Variants in FCHSD2 observed in about 807,000 individuals in gnomAD.
FCHSD2 encodes F-BAR and double SH3 domains protein 2.
In FCHSD2, 38 loss-of-function variants were observed where a neutral mutation model predicts 108.1. The observed-to-expected ratio is 0.35, with a 90% CI of 0.27 to 0.46. FCHSD2 has a LOEUF of 0.46. FCHSD2 is among the 20% of genes least tolerant of loss of function. FCHSD2 has a pLI of 1.00. For synonymous variants in FCHSD2, 279 were observed against 314.7 expected, an observed-to-expected ratio of 0.89 and a Z score of 1.20; for missense variants, 751 against 897.8, an observed-to-expected ratio of 0.84 and a Z score of 2.09.
chr11:73,137,198 A>G (rs562651284), intron 2 of FCHSD2, among the ~76,000 whole-genome samples: 1 of 149,380 alleles, frequency 6.7e-6, no homozygotes, highest in East Asian at 1.9e-4. Context: ...ATTGTCTTTG[A>G]AAAAAAAAAG....
chr11:72,966,471 T>C (rs1856909392), intron 8 of FCHSD2, among the ~76,000 whole-genome samples: 1 of 152,172 alleles, frequency 6.6e-6, no homozygotes. Context: ...AAACTGAGCA[T>C]ATTACTTTGT....
intron 13 of FCHSD2, among the ~76,000 whole-genome samples, chr11:72,862,321 G>A (rs1861595336): frequency 6.6e-6 from 1 of 152,144 alleles, no homozygotes; most frequent in Admixed American, 6.5e-5. Flanking sequence ...TTATTTGCAG[G>A]TGACACGGTT....
chr11:73,070,991 CAT>C (rs761286332), intron 3 of FCHSD2, among the ~76,000 whole-genome samples: 19 of 152,284 alleles, frequency 1.2e-4, no homozygotes, highest in Admixed American at 2.0e-4. Flanking sequence ...GGCCTTTACA[CAT>C]GTTTTATTTG....
chr11:73,047,171 T>C (rs185654100), intron 3 of FCHSD2, among the ~76,000 whole-genome samples: 13 of 151,574 alleles, frequency 8.6e-5, no homozygotes, highest in Admixed American at 6.6e-4. Flanking sequence ...AACATGACTG[T>C]AAATTTGAAA....
At chr11:72,904,951 G>C (rs1565314900) in intron 9 of FCHSD2, among the ~76,000 whole-genome samples, 1 of 152,222 alleles carries the variant, frequency 6.6e-6, no homozygotes, top group East Asian at 1.9e-4. Flanking sequence ...CATTGGAATG[G>C]GTGTTTTTTG....
At chr11:72,935,775 G>T (rs1856287473) in intron 8 of FCHSD2, among the ~76,000 whole-genome samples, 1 of 152,156 alleles carries the variant, frequency 6.6e-6, no homozygotes, top group Non-Finnish European at 1.5e-5. Context: ...AAAGCACTGA[G>T]TTACTTCAGG....
rs1049668450 is a variant in FCHSD2 at position 72,973,754 on chromosome 11, A to G, written c.705+10334T>C. On this transcript the variant is annotated intron_variant, in intron 8 of 19. Transcript: ENST00000409418. ...AGAACATTCATAACACAGTTTTTAA[A>G]GTTCTATACCAAGGGTGGGCAAACT... 5.3e-5 allele frequency among the ~76,000 whole-genome samples: 8 copies of G among 152,366 alleles called. No homozygotes were observed. The East Asian group carries it at 1.5e-3, about 29-fold the overall frequency.
intron 8 of FCHSD2, among the ~76,000 whole-genome samples, chr11:72,979,987 T>C (rs947501289): frequency 3.3e-5 from 5 of 152,202 alleles, no homozygotes; most frequent in Non-Finnish European, 7.4e-5. Flanking sequence ...AATTGTTTTG[T>C]TCCCTAAGAA....
At chr11:72,953,404 C>G (rs1452412388) in intron 8 of FCHSD2, among the ~76,000 whole-genome samples, 1 of 152,072 alleles carries the variant, frequency 6.6e-6, no homozygotes, top group African/African-American at 2.4e-5. Context: ...AAAATAAATT[C>G]TCTCTCTTAA....
intron 9 of FCHSD2, among the ~76,000 whole-genome samples, chr11:72,920,526 G>C (rs879699562): frequency 6.6e-6 from 1 of 152,122 alleles, no homozygotes; most frequent in Non-Finnish European, 1.5e-5. Flanking sequence ...GACCACTTGA[G>C]GCCAGGACTT....
chr11:72,907,064 C>T (rs984424231), intron 9 of FCHSD2, among the ~76,000 whole-genome samples: 1 of 152,054 alleles, frequency 6.6e-6, no homozygotes, highest in Non-Finnish European at 1.5e-5. Flanking sequence ...CCCTTCACAT[C>T]CCTTGTAAGT....
intron 8 of FCHSD2, among the ~76,000 whole-genome samples, chr11:72,952,024 T>C (rs551085317): frequency 6.6e-6 from 1 of 152,324 alleles, no homozygotes; most frequent in South Asian, 2.1e-4. Flanking sequence ...TTTTTATTTT[T>C]GGCAAGAATC....
chr11:72,938,993 A>C (rs1184046644), intron 8 of FCHSD2, among the ~76,000 whole-genome samples: 2 of 152,238 alleles, frequency 1.3e-5, no homozygotes, highest in Admixed American at 1.3e-4. Context: ...GTGGCCTCTG[A>C]GCTACTAAAC....
chr11:72,861,648 G>A (rs1419880550), intron 13 of FCHSD2, among the ~76,000 whole-genome samples: 1 of 152,168 alleles, frequency 6.6e-6, no homozygotes, highest in South Asian at 2.1e-4. Flanking sequence ...AGAAAGGATA[G>A]GCCGGGCGCG....
In FCHSD2 at chr11:72,887,481, G is replaced by A. The variant is rs762606612; in HGVS notation, c.1135C>T (p.Arg379Cys). 12 of 1,602,994 alleles carry A rather than the reference G, an allele frequency of 7.5e-6. No homozygotes were observed. The African/African-American group carries it at 9.4e-5, about 13-fold the overall frequency. Residue 379 changes from arginine to cysteine, a missense_variant, in exon 12 of 20, where the codon CGT becomes TGT. Physicochemically the swap from Arg to Cys is radical, Grantham distance 180. Coordinates refer to ENST00000409418, the MANE Select transcript of FCHSD2 (RefSeq NM_014824.3). Reference protein sequence around the residue: ...QKIDEARENIRKAEIIKLKAE... With the variant: ...QKIDEARENICKAEIIKLKAE... ...AGCTGCCACCTTACCTCTGCTTTAC[G>A]AATATTTTCTCTAGCTTCATCTATT...
At chr11:73,033,403 A>T (rs535881950) in intron 3 of FCHSD2, among the ~76,000 whole-genome samples, 125 of 152,304 alleles carry the variant, frequency 8.2e-4, no homozygotes, top group Non-Finnish European at 1.5e-3. Flanking sequence ...TAAATGGGAC[A>T]AGTTTTAGTG....
At chr11:73,122,190 T>C (rs981412440) in intron 2 of FCHSD2, among the ~76,000 whole-genome samples, 11 of 148,592 alleles carry the variant, frequency 7.4e-5, no homozygotes, top group African/African-American at 2.7e-4. Context: ...AAAAAAAAAA[T>C]GTAGCTCAAA....
chr11:73,033,142 G>C (rs1234934262), intron 3 of FCHSD2, among the ~76,000 whole-genome samples: 1 of 151,926 alleles, frequency 6.6e-6, no homozygotes, highest in African/African-American at 2.4e-5. Flanking sequence ...TAAAAAATTA[G>C]CTGGGCATGG....
At chr11:72,872,288 T>TTTC in intron 12 of FCHSD2, among the ~76,000 whole-genome samples, 1 of 36 alleles carries the variant, frequency 0.028, no homozygotes, top group South Asian at 0.5. Flanking sequence ...TTTCTTTTCT[T>TTTC]TTTTTTTTTT....
Sources: gnomAD v4.1 joint callset for allele counts (sites outside exome capture counted in the v4.1 genomes callset) on GRCh38, gnomAD v4.1.1 for gene constraint, MANE v1.5 for transcripts, NCBI Gene and HGNC (gene_info 2026-07-23, HGNC 2026-07-21) for gene names.